The following TMLHE variants were observed in gnomAD, a reference collection of about 807,000 sequenced individuals.
TMLHE encodes the protein trimethyllysine hydroxylase, epsilon, also known as trimethyllysine dioxygenase, mitochondrial.
A neutral mutation model predicts 25.7 loss-of-function variants in TMLHE; 18 were observed. The ratio of observed to expected loss-of-function variants is 0.70; its 90% CI spans 0.48 to 1.04. The LOEUF is 1.04. Ranked by LOEUF, TMLHE falls within the 50% of genes least tolerant of loss-of-function variation. The probability of loss-of-function intolerance (pLI) is 0.00; values close to 1 mark genes in which losing one functional copy is unlikely to be tolerated. For missense variants in TMLHE, 236 were observed against 259.0 expected (o/e 0.91, Z 0.61); for synonymous variants, 105 against 97.0 (o/e 1.08, Z -0.49).
Position 155,605,235 on chromosome X carries a change from G to A in TMLHE, c.-2+7557C>T, listed in dbSNP as rs140014907. On this transcript the variant is annotated intron_variant, in intron 1 of 7. Coordinates refer to ENST00000334398, the MANE Select transcript of TMLHE (RefSeq NM_018196.4). ...GAAAGAACCAAACTAATATGATAGAGCTGAAAAACATAATACTGTCCATGA... is the reference window on the plus strand; with the variant it reads ...GAAAGAACCAAACTAATATGATAGAACTGAAAAACATAATACTGTCCATGA... Among the ~76,000 whole-genome samples, 771 of 111,915 alleles carry A rather than the reference G, an allele frequency of 6.9e-3. 6 individuals are homozygous for A. Among genetic ancestry groups the A allele is most frequent in the African/African-American group, 0.024 (731 of 30,816 alleles).
chrX:155,526,189 T>A (rs782270050), intron 2 of TMLHE, among the ~76,000 whole-genome samples: 1 of 111,401 alleles, frequency 9.0e-6, no homozygotes, highest in East Asian at 2.9e-4. Flanking sequence ...GAAAAAAGAG[T>A]TTTGTGGGCC....
chrX:155,609,342 C>T (rs2067805634), intron 1 of TMLHE, among the ~76,000 whole-genome samples: 1 of 111,033 alleles, frequency 9.0e-6, no homozygotes, highest in South Asian at 3.8e-4. Flanking sequence ...ATATTGAGTA[C>T]ACATGGACAC....
rs1399789138 is a variant in TMLHE, at chrX:155,514,140, C to T, written c.484G>A (p.Val162Ile). 8.3e-7 allele frequency: 1 copy of T among 1,211,216 alleles called. No homozygotes were observed. Among genetic ancestry groups the T allele is most frequent in the Non-Finnish European group, 1.1e-6 (1 of 895,226 alleles). Residue 162 changes from valine to isoleucine, a missense_variant, in exon 4 of 8, where the codon GTT becomes ATT. Val to Ile is a conservative substitution (Grantham distance 29, BLOSUM62 3). This residue lies in a region of TMLHE where 217 missense variants were observed against 214.6 expected (regional missense o/e 1.01). Transcript: ENST00000334398. ...AAGCTCTGGCAATCTACCGATGGAA[C>T]TTGGGCTTGCTGGTAGATTTCAGCA... ...WNAEIYQQAQ[V>I]PSVDCQSFLE...
At position 155,549,653 on chromosome X, in the gene TMLHE, G is replaced by C. The variant is rs1557339723; in HGVS notation, c.-1-4376C>G. ...ATTTTGTTTCAGTATTTTGCATCTA[G>C]ATACATGAGGAATACATGGTCTGGT... On this transcript the variant is annotated intron_variant, in intron 1 of 7. Coordinates refer to ENST00000334398, the MANE Select transcript of TMLHE (RefSeq NM_018196.4). Among the ~76,000 whole-genome samples the C allele has an allele frequency of 2.7e-5, 3 of 109,835 alleles. 1 individual carries two copies. Among genetic ancestry groups the C allele is most frequent in the African/African-American group, 1.0e-4 (3 of 29,644 alleles).
In TMLHE at chrX:155,584,147, A is replaced by T. The variant is rs782327963; in HGVS notation, c.-2+28645T>A. 1.7e-4 allele frequency among the ~76,000 whole-genome samples: 19 copies of T among 110,753 alleles called. No homozygotes were observed. In the East Asian group the frequency reaches 5.4e-3, roughly 31 times the overall value. On this transcript the variant is annotated intron_variant, in intron 1 of 7. Coordinates refer to ENST00000334398, the MANE Select transcript of TMLHE (RefSeq NM_018196.4). ...CAAGATATGAATTAGAAATTTTTCA[A>T]ATAGATATTTTTTTAAAAAAGAACC...
chrX:155,591,658 C>T (rs1231869609), intron 1 of TMLHE, among the ~76,000 whole-genome samples: 2 of 111,531 alleles, frequency 1.8e-5, no homozygotes, highest in Non-Finnish European at 3.8e-5. Flanking sequence ...GAACACTTCA[C>T]ACCTATTAGA....
At chrX:155,557,942 C>G (rs1366162587) in intron 1 of TMLHE, among the ~76,000 whole-genome samples, 2 of 111,688 alleles carry the variant, frequency 1.8e-5, no homozygotes, top group Non-Finnish European at 3.8e-5. Flanking sequence ...ATCATTATTT[C>G]TCACTTAAAG....
At chrX:155,515,093 A>G (rs1275478179) in intron 3 of TMLHE, among the ~76,000 whole-genome samples, 1 of 111,275 alleles carries the variant, frequency 9.0e-6, no homozygotes, top group African/African-American at 3.3e-5. Flanking sequence ...GTATGAGGAA[A>G]TTAAAAGTCA....
chrX:155,529,196 C>G (rs2067235926), intron 2 of TMLHE, among the ~76,000 whole-genome samples: 1 of 110,887 alleles, frequency 9.0e-6, no homozygotes, highest in Admixed American at 9.6e-5. Context: ...TCATGCAACC[C>G]CACAGCCTAG....
At chrX:155,556,853 C>T (rs1359152358) in intron 1 of TMLHE, among the ~76,000 whole-genome samples, 6 of 111,275 alleles carry the variant, frequency 5.4e-5, no homozygotes, top group Non-Finnish European at 9.4e-5. Context: ...CCCGGGGGGG[C>T]CAGTTCAGAG....
intron 1 of TMLHE, among the ~76,000 whole-genome samples, chrX:155,575,993 G>A (rs2067586743): frequency 9.0e-6 from 1 of 111,686 alleles, no homozygotes; most frequent in East Asian, 2.8e-4. Flanking sequence ...GGGAGTCTTG[G>A]CCAGAGCAGT....
At chrX:155,593,296 T>C (rs1557346175) in intron 1 of TMLHE, among the ~76,000 whole-genome samples, 2 of 111,493 alleles carry the variant, frequency 1.8e-5, no homozygotes, top group African/African-American at 6.5e-5. Flanking sequence ...CCATAAGATA[T>C]TGAAGCCCAG....
chrX:155,590,259 T>C (rs995847177), intron 1 of TMLHE, among the ~76,000 whole-genome samples: 1 of 112,126 alleles, frequency 8.9e-6, no homozygotes, highest in South Asian at 3.7e-4. Flanking sequence ...AAGTGTATGG[T>C]TGGTCTTACA....
chrX:155,605,283 A>T (rs2033930099), intron 1 of TMLHE, among the ~76,000 whole-genome samples: 1 of 111,831 alleles, frequency 8.9e-6, no homozygotes, highest in Non-Finnish European at 1.9e-5. Context: ...CATCACTAGA[A>T]AGGACAACAT....
At chrX:155,581,655 T>A (rs781870475) in intron 1 of TMLHE, among the ~76,000 whole-genome samples, 1 of 111,457 alleles carries the variant, frequency 9.0e-6, no homozygotes, top group African/African-American at 3.3e-5. Flanking sequence ...TACAAACCAC[T>A]GCTCAATAAA....
rs1474946699 is a variant in TMLHE at position 155,566,385 on chromosome X, A to G, written c.-1-21108T>C. The stretch of plus-strand genomic sequence containing the variant: ...AGGCAGATGTCACAATCCAAGAAGG[A>G]TTTCTTCCAGTCTAAGCAGGAAGGT... On this transcript the variant is annotated intron_variant, in intron 1 of 7. Coordinates refer to ENST00000334398, the MANE Select transcript of TMLHE (RefSeq NM_018196.4). Among the ~76,000 whole-genome samples the G allele has an allele frequency of 2.1e-4, 13 of 61,881 alleles. 1 individual carries two copies. The highest frequency in any genetic ancestry group is 4.7e-4 in the African/African-American group (13 of 27,889). 53.7% of individuals were successfully genotyped at this position (61,881 alleles called of 115,157 possible).
chrX:155,598,954 C>T (rs1292101246), intron 1 of TMLHE, among the ~76,000 whole-genome samples: 2 of 110,852 alleles, frequency 1.8e-5, no homozygotes, highest in Non-Finnish European at 3.8e-5. Flanking sequence ...CCTCCCGTTC[C>T]ACCTCCTCCA....
chrX:155,507,068 G>C lies in TMLHE; in HGVS notation c.825C>G (p.Phe275Leu). ...TGGRTLLVDGFYAAEQVLQKA... is the reference protein window; with the variant it reads ...TGGRTLLVDGLYAAEQVLQKA... Reference sequence around the variant, plus strand: ...TTTGAAGTACCTGTTCTGCTGCATAGAATCCATCTACTAGCAGTGTCCTGC... The same window carrying C: ...TTTGAAGTACCTGTTCTGCTGCATACAATCCATCTACTAGCAGTGTCCTGC... The change falls in exon 6 of 8, where the codon TTC becomes TTG. Residue 275 changes from phenylalanine (F) to leucine (L), a missense_variant. Physicochemically the swap from Phe to Leu is conservative, Grantham distance 22. This residue lies in a region of TMLHE where 217 missense variants were observed against 214.6 expected (regional missense o/e 1.01). Coordinates refer to ENST00000334398, the MANE Select transcript of TMLHE (RefSeq NM_018196.4). 1 of 1,210,015 alleles carries C rather than the reference G, an allele frequency of 8.3e-7. No homozygotes were observed. Among genetic ancestry groups the C allele is most frequent in the Non-Finnish European group, 1.1e-6 (1 of 894,365 alleles).
chrX:155,541,653 C>G (rs995599619), intron 2 of TMLHE, among the ~76,000 whole-genome samples: 48 of 111,793 alleles, frequency 4.3e-4, no homozygotes, highest in Non-Finnish European at 6.8e-4. Flanking sequence ...CTAATTTACA[C>G]TCCCACCAAC....
Sources: gnomAD v4.1 joint callset for allele counts (sites outside exome capture counted in the v4.1 genomes callset) on GRCh38, gnomAD v4.1.1 for gene constraint, gnomAD v4.1.1 regional missense constraint, MANE v1.5 for transcripts, NCBI Gene and HGNC (gene_info 2026-07-23, HGNC 2026-07-21) for gene names.